The following TDRD1 variants were observed in gnomAD, a reference collection of about 807,000 sequenced individuals.
TDRD1 encodes the protein tudor domain containing 1.
A neutral mutation model predicts 140.6 loss-of-function variants in TDRD1; 37 were observed. That is an observed-to-expected ratio of 0.26 (90% CI 0.20 to 0.35). TDRD1 has a LOEUF of 0.35. Ranked by LOEUF, TDRD1 falls within the 10% of genes least tolerant of loss-of-function variation. The pLI is 1.00. For synonymous variants in TDRD1, 506 were observed against 475.7 expected, an observed-to-expected ratio of 1.06 and a Z score of -0.83; for missense variants, 1,243 against 1,393.0, an observed-to-expected ratio of 0.89 and a Z score of 1.71.
chr10:114,225,375 C>G (rs2036375159), intron 21 of TDRD1, among the ~76,000 whole-genome samples: 1 of 152,104 alleles, frequency 6.6e-6, no homozygotes, highest in African/African-American at 2.4e-5. Flanking sequence ...TGAGCAGCAC[C>G]AATCGTTGAG....
At chr10:114,202,998 G>A (rs1330999034) in intron 6 of TDRD1, 74 bp from the exon 7 acceptor site, 11 of 956,534 alleles carry the variant, frequency 1.1e-5, no homozygotes, top group East Asian at 2.4e-5. Context: ...CTGCAGTTCC[G>A]ACGTGTAGTG....
At chr10:114,187,029 C>T (rs959266558) in intron 1 of TDRD1, among the ~76,000 whole-genome samples, 2 of 152,070 alleles carry the variant, frequency 1.3e-5, no homozygotes, top group Non-Finnish European at 2.9e-5. Flanking sequence ...AAGAGGTGTT[C>T]GTCCCTTTTA....
At chr10:114,210,180 A>G (rs923236942) in intron 11 of TDRD1, among the ~76,000 whole-genome samples, 2 of 152,144 alleles carry the variant, frequency 1.3e-5, no homozygotes, top group South Asian at 2.1e-4. Context: ...ATTGTTCCCT[A>G]TGGGGTTTAT....
intron 11 of TDRD1, among the ~76,000 whole-genome samples, chr10:114,206,705 C>A (rs942569176): frequency 6.6e-6 from 1 of 151,482 alleles, no homozygotes; most frequent in African/African-American, 2.4e-5. Flanking sequence ...CCTCTGCCTC[C>A]CTGGTTCAAG....
At chr10:114,221,644 A>G (rs1278513807) in intron 20 of TDRD1, among the ~76,000 whole-genome samples, 168 bp downstream of exon 20, 1 of 152,232 alleles carries the variant, frequency 6.6e-6, no homozygotes, top group Non-Finnish European at 1.5e-5. Flanking sequence ...ACTAGCGGGA[A>G]CATGAAGGGA....
chr10:114,217,526 A>T lies in TDRD1; in HGVS notation c.2213-19A>T. On this transcript the variant is annotated intron_variant, in intron 16 of 25. Transcript: ENST00000251864. ...TTTTTAATATGTTCTTAATTTTTTA[A>T]TCCTATGTGTATTTTCAGCTTTAAA... 7.7e-7 allele frequency: 1 copy of T among 1,297,752 alleles called. No homozygotes were observed. The highest frequency in any genetic ancestry group is 1.1e-6 in the Non-Finnish European group (1 of 925,794). 80.4% of individuals were successfully genotyped at this position (1,297,752 alleles called of 1,614,324 possible).
chr10:114,189,221 C>A (rs2033781228), intron 2 of TDRD1, among the ~76,000 whole-genome samples: 1 of 152,208 alleles, frequency 6.6e-6, no homozygotes, highest in African/African-American at 2.4e-5. Context: ...TCTGTTAAAT[C>A]TTGATCATTG....
chr10:114,222,769 A>G (rs1334966281), intron 21 of TDRD1, 66 bp downstream of exon 21: 3 of 922,682 alleles, frequency 3.3e-6, no homozygotes, highest in Admixed American at 2.2e-5. Flanking sequence ...ACATGATACT[A>G]TGTAGATTTT....
chr10:114,211,903 C>T (rs772897554), exon 14 of TDRD1: 76 of 1,589,144 alleles, frequency 4.8e-5, no homozygotes, highest in Non-Finnish European at 6.1e-5. Flanking sequence ...TTTTGGCTTA[C>T]GCTTCTGAAG....
chr10:114,206,834 C>G (rs1387449777), intron 11 of TDRD1, among the ~76,000 whole-genome samples: 2 of 152,038 alleles, frequency 1.3e-5, no homozygotes, highest in African/African-American at 4.8e-5. Context: ...AGGCTGGTCT[C>G]AAACTCCTGA....
chr10:114,188,322 G>C (rs537765847), intron 2 of TDRD1, among the ~76,000 whole-genome samples, 166 bp downstream of exon 2: 2 of 152,262 alleles, frequency 1.3e-5, no homozygotes, highest in African/African-American at 4.8e-5. Context: ...CAGATACCAA[G>C]TGGCTACCTT....
chr10:114,231,808 A>G, exon 26 of TDRD1: 1 of 323,584 alleles, frequency 3.1e-6, no homozygotes, highest in South Asian at 6.8e-5. Context: ...TACCGAAGGA[A>G]GGCCAGGTGC....
chr10:114,227,432 G>A (rs932399700), intron 23 of TDRD1, 133 bp downstream of exon 23: 11 of 711,146 alleles, frequency 1.5e-5, no homozygotes, highest in Non-Finnish European at 2.6e-5. Flanking sequence ...CAGTGGCAGG[G>A]TTCTGATTCC....
exon 16 of TDRD1, chr10:114,214,072 T>C (rs143366430): frequency 1.4e-5 from 23 of 1,613,608 alleles, no homozygotes; most frequent in Non-Finnish European, 1.9e-5. Context: ...CTGTGTGATA[T>C]ATAGTCCTGG....
chr10:114,197,140 C>G (rs1290140975), intron 3 of TDRD1, among the ~76,000 whole-genome samples: 1 of 152,106 alleles, frequency 6.6e-6, no homozygotes, highest in Non-Finnish European at 1.5e-5. Flanking sequence ...GCCACTGTGC[C>G]TGGCCTCAGC....
chr10:114,213,163 C>A (rs935455161), intron 14 of TDRD1, among the ~76,000 whole-genome samples, 183 bp from the exon 15 acceptor site: 1 of 152,172 alleles, frequency 6.6e-6, no homozygotes, highest in South Asian at 2.1e-4. Context: ...TGGAATGAAC[C>A]ATTGCCCACC....
chr10:114,204,761 G>T (rs1250455782), exon 10 of TDRD1: 1 of 1,598,242 alleles, frequency 6.3e-7, no homozygotes. Flanking sequence ...CCCAGCAGAA[G>T]GGAATTGGAG....
exon 26 of TDRD1, chr10:114,232,070 T>A (rs912047789): frequency 6.6e-6 from 1 of 152,410 alleles, no homozygotes; most frequent in Non-Finnish European, 1.5e-5. Flanking sequence ...TTTGTTATCT[T>A]CTTTTTCTGT....
intron 3 of TDRD1, among the ~76,000 whole-genome samples, chr10:114,193,991 G>T (rs2034169370): frequency 6.6e-6 from 1 of 152,120 alleles, no homozygotes; most frequent in Non-Finnish European, 1.5e-5. Context: ...TGTTAATTTG[G>T]TGGATTACAT....
Sources: gnomAD v4.1 joint callset for allele counts (sites outside exome capture counted in the v4.1 genomes callset) on GRCh38, gnomAD v4.1.1 for gene constraint, MANE v1.5 for transcripts, NCBI Gene and HGNC (gene_info 2026-07-23, HGNC 2026-07-21) for gene names.